GTF3C3: variants seen among roughly 807,000 people sequenced by gnomAD.
GTF3C3 encodes general transcription factor 3C polypeptide 3.
A neutral mutation model predicts 105.2 loss-of-function variants in GTF3C3; 75 were observed. That is an observed-to-expected ratio of 0.71 (90% CI 0.59 to 0.86). The LOEUF is 0.86. Among genes scored for constraint, GTF3C3 ranks in the 40% least tolerant of loss-of-function variants. GTF3C3 has a pLI of 0.00. For synonymous variants in GTF3C3, 335 were observed against 370.4 expected (o/e 0.90, Z 1.10); for missense variants, 856 against 1,076.5 (o/e 0.80, Z 2.87).
At chr2:196,790,873 A>G (rs1007700020) in intron 4 of GTF3C3, among the ~76,000 whole-genome samples, 14 of 152,168 alleles carry the variant, frequency 9.2e-5, no homozygotes, top group East Asian at 5.8e-4. Flanking sequence ...AACAATAAAT[A>G]TAAGTAATTA....
At chr2:196,777,221 C>T (rs1377466575) in intron 10 of GTF3C3, among the ~76,000 whole-genome samples, 1 of 152,114 alleles carries the variant, frequency 6.6e-6, no homozygotes, top group East Asian at 1.9e-4. Context: ...GAGAAAGTGC[C>T]CTTTAGAAAG....
At chr2:196,783,274 A>AGGAGGGAG (rs982131063) in intron 8 of GTF3C3, among the ~76,000 whole-genome samples, 1 of 126,774 alleles carries the variant, frequency 7.9e-6, no homozygotes. Flanking sequence ...GAAGGAGGGA[A>AGGAGGGAG]GGAGGGAGGG....
In GTF3C3 at chr2:196,783,638, C is replaced by T. The variant is rs530051723; in HGVS notation, c.1114+1219G>A. Among the ~76,000 whole-genome samples the T allele has an allele frequency of 2.6e-5, 4 of 152,262 alleles. No homozygotes were observed. The East Asian group carries it at 7.7e-4, about 29-fold the overall frequency. On this transcript the variant is annotated intron_variant, in intron 8 of 17. Transcript: ENST00000263956. The stretch of plus-strand genomic sequence containing the variant: ...TGTGATCTGGTCCTGCTCTTCCAAG[C>T]AGTGCTCCTACACCCTGTGACTCAA...
At chr2:196,792,656 G>A (rs1401185822) in intron 3 of GTF3C3, among the ~76,000 whole-genome samples, 1 of 151,906 alleles carries the variant, frequency 6.6e-6, no homozygotes, top group East Asian at 1.9e-4. Flanking sequence ...TTAATTTTTT[G>A]AGACAGGGTC....
chr2:196,780,492 T>G (rs976608463), intron 9 of GTF3C3, 67 bp downstream of exon 9: 61 of 1,508,776 alleles, frequency 4.0e-5, no homozygotes, highest in Non-Finnish European at 5.4e-5. Flanking sequence ...TATAATTTCT[T>G]GACATCTAAA....
intron 14 of GTF3C3, among the ~76,000 whole-genome samples, 163 bp from the exon 15 acceptor site, chr2:196,772,101 A>G (rs535587491): frequency 3.3e-5 from 5 of 152,350 alleles, no homozygotes; most frequent in Admixed American, 6.5e-5. Context: ...TCTCCTACGC[A>G]ATAAAAGATT....
intron 2 of GTF3C3, among the ~76,000 whole-genome samples, chr2:196,796,051 G>A (rs1699637971): frequency 6.6e-6 from 1 of 152,196 alleles, no homozygotes; most frequent in Non-Finnish European, 1.5e-5. Context: ...CAAGAATTTA[G>A]TGGTGTATTT....
At chr2:196,796,127 G>A (rs1049483476) in intron 2 of GTF3C3, among the ~76,000 whole-genome samples, 1 of 152,194 alleles carries the variant, frequency 6.6e-6, no homozygotes, top group African/African-American at 2.4e-5. Flanking sequence ...GCCAAAGCTT[G>A]TTCAAAACTG....
At chr2:196,785,032 TG>T in intron 7 of GTF3C3, 103 bp from the exon 8 acceptor site, 5 of 754,330 alleles carry the variant, frequency 6.6e-6, no homozygotes, top group Non-Finnish European at 2.1e-6. Flanking sequence ...AATATAAAGT[TG>T]GGCTATAAAA....
Position 196,797,888 on chromosome 2 carries a change from C to T in GTF3C3, c.123G>A (p.Lys41=), listed in dbSNP as rs781308833. 5 of 1,608,130 alleles carry T rather than the reference C, an allele frequency of 3.1e-6. No individual in the cohort carries two copies. In the African/African-American group the frequency reaches 6.7e-5, roughly 22 times the overall value. The change falls in exon 2 of 18, where the codon AAG becomes AAA. Residue 41 remains lysine (K), a synonymous_variant. Transcript: ENST00000263956. The part of the protein sequence containing the change: ...REKKSLQEKG[K]LSAEENPDDS... ...CATCGGGATTTTCTTCAGCTGATAACTTGCCTTTTTCCTGAAGACTCTGTG... is the reference window on the plus strand; with the variant it reads ...CATCGGGATTTTCTTCAGCTGATAATTTGCCTTTTTCCTGAAGACTCTGTG...
At chr2:196,798,339 A>C (rs1386578476) in intron 1 of GTF3C3, among the ~76,000 whole-genome samples, 1 of 152,062 alleles carries the variant, frequency 6.6e-6, no homozygotes, top group East Asian at 1.9e-4. Context: ...GGCCTGGGCA[A>C]CATGAAGAAA....
chr2:196,795,855 C>T (rs1172859415), intron 2 of GTF3C3, among the ~76,000 whole-genome samples: 1 of 152,280 alleles, frequency 6.6e-6, no homozygotes, highest in Non-Finnish European at 1.5e-5. Context: ...TATTAAGTCA[C>T]AGATGACATG....
intron 15 of GTF3C3, 117 bp downstream of exon 15, chr2:196,771,631 G>A: frequency 1.6e-6 from 1 of 635,844 alleles, no homozygotes; most frequent in Non-Finnish European, 2.8e-6. Flanking sequence ...GAGGCAGGAG[G>A]AGGTAGAATA....
At chr2:196,791,640 T>C (rs1279633947) in intron 3 of GTF3C3, among the ~76,000 whole-genome samples, 180 bp from the exon 4 acceptor site, 1 of 152,144 alleles carries the variant, frequency 6.6e-6, no homozygotes, top group African/African-American at 2.4e-5. Context: ...TTAAAGTTTA[T>C]CGAGTCTAAA....
rs1699519713 is a variant in GTF3C3, at chr2:196,790,020, G to C, written c.586C>G (p.Gln196Glu). Reference protein sequence around the residue: ...FSTLAMIYEDQGDMEKSLQFE... With the variant: ...FSTLAMIYEDEGDMEKSLQFE... ...TGCAATGATTTTTCCATGTCACCTT[G>C]GTCCTCATATATCATGGCTAGAGTA... Residue 196 changes from glutamine (Q) to glutamate (E), a missense_variant, in exon 5 of 18, where the codon CAA becomes GAA. Transcript: ENST00000263956. 2 of 1,613,220 alleles carry C rather than the reference G, an allele frequency of 1.2e-6. No individual in the cohort carries two copies. The highest frequency in any genetic ancestry group is 1.7e-6 in the Non-Finnish European group (2 of 1,179,608).
At chr2:196,765,946 C>G (rs1257470778) in intron 17 of GTF3C3, among the ~76,000 whole-genome samples, 1 of 138,502 alleles carries the variant, frequency 7.2e-6, no homozygotes, top group Non-Finnish European at 1.5e-5. Context: ...GGAGGCGGAG[C>G]TTGCAGTGAG....
chr2:196,766,455 AG>A, intron 17 of GTF3C3, 109 bp downstream of exon 17: 1 of 801,812 alleles, frequency 1.2e-6, no homozygotes, highest in African/African-American at 1.7e-5. Context: ...ACTGAATAAG[AG>A]AAAATACATT....
At chr2:196,791,270 G>C (rs950482155) in intron 4 of GTF3C3, 67 bp downstream of exon 4, 1 of 1,482,280 alleles carries the variant, frequency 6.7e-7, no homozygotes, top group East Asian at 2.3e-5. Context: ...ACTGTGAAGT[G>C]CTCCCCCATT....
At chr2:196,772,442 G>C (rs529341327) in intron 14 of GTF3C3, among the ~76,000 whole-genome samples, 23 of 152,240 alleles carry the variant, frequency 1.5e-4, no homozygotes, top group African/African-American at 5.1e-4. Flanking sequence ...CAGCTACTTG[G>C]GAGGCTGAGG....
Sources: gnomAD v4.1 joint callset for allele counts (sites outside exome capture counted in the v4.1 genomes callset) on GRCh38, gnomAD v4.1.1 for gene constraint, MANE v1.5 for transcripts, NCBI Gene and HGNC (gene_info 2026-07-23, HGNC 2026-07-21) for gene names.